Variants in RAB11FIP3 observed in about 807,000 individuals in gnomAD.
RAB11FIP3 encodes RAB11 family interacting protein 3.
Under a neutral mutation model 77.8 loss-of-function variants are expected in RAB11FIP3, and 17 were observed. The observed-to-expected ratio is 0.22, with a 90% CI of 0.15 to 0.33. RAB11FIP3 has a LOEUF of 0.33. RAB11FIP3 is among the 10% of genes least tolerant of loss of function. The pLI is 1.00. For missense variants in RAB11FIP3, 1,005 were observed against 1,011.2 expected (o/e 0.99, Z 0.08); for synonymous variants, 437 against 448.2 (o/e 0.98, Z 0.31).
chr16:494,769 G>T (rs1045049723), intron 5 of RAB11FIP3, among the ~76,000 whole-genome samples: 21 of 152,270 alleles, frequency 1.4e-4, no homozygotes, highest in African/African-American at 3.4e-4. Context: ...GGCTGAGGTG[G>T]GAGGATCACA....
chr16:443,473 G>A (rs2055259268), intron 1 of RAB11FIP3, among the ~76,000 whole-genome samples: 1 of 152,132 alleles, frequency 6.6e-6, no homozygotes, highest in Admixed American at 6.6e-5. Flanking sequence ...CAAAACCAGA[G>A]TCATAATTGA....
At chr16:427,192 C>T (rs1290814117) in intron 1 of RAB11FIP3, among the ~76,000 whole-genome samples, 1 of 152,230 alleles carries the variant, frequency 6.6e-6, no homozygotes, top group Non-Finnish European at 1.5e-5. Flanking sequence ...TGATAGACAC[C>T]TATTTTGAGT....
chr16:493,163 T>C (rs960922803), intron 5 of RAB11FIP3, among the ~76,000 whole-genome samples: 33 of 149,438 alleles, frequency 2.2e-4, no homozygotes, highest in African/African-American at 7.4e-4. Context: ...AGATGGGAGG[T>C]TCACTTGAAC....
At chr16:428,561 C>G (rs578138337) in intron 1 of RAB11FIP3, among the ~76,000 whole-genome samples, 3 of 152,046 alleles carry the variant, frequency 2.0e-5, no homozygotes, top group Non-Finnish European at 4.4e-5. Context: ...CCACAGTTCT[C>G]TGAGATAGTA....
chr16:508,703 G>T (rs1257293060), intron 8 of RAB11FIP3, among the ~76,000 whole-genome samples: 1 of 152,072 alleles, frequency 6.6e-6, no homozygotes, highest in East Asian at 1.9e-4. Context: ...TCTGGAAAAC[G>T]CGTCCTTTCG....
chr16:456,504 C>G (rs961633863), intron 1 of RAB11FIP3, among the ~76,000 whole-genome samples: 1 of 151,416 alleles, frequency 6.6e-6, no homozygotes, highest in African/African-American at 2.4e-5. Flanking sequence ...GCCTGTAATC[C>G]CAGCAATTTG....
chr16:426,498 C>A lies in RAB11FIP3; in HGVS notation c.492C>A (p.Phe164Leu), dbSNP rs1244223477. ...GCGAGGTCGACGTCTTCTCTCCCTT[C>A]CCCGCGCCCACGGCGGGCGAGCTGG... ...ARGEVDVFSP[F>L]PAPTAGELAL... Residue 164 changes from phenylalanine (F) to leucine (L), a missense_variant, in exon 1 of 14, where the codon TTC (phenylalanine) becomes TTA (leucine). Phe to Leu is a conservative substitution (Grantham distance 22). Transcript: ENST00000262305. The surrounding 1 kb of genome is among the most constrained non-coding windows in gnomAD (Gnocchi z 5.0). 14 of 1,580,016 alleles carry A rather than the reference C, an allele frequency of 8.9e-6. No homozygotes were observed. The highest frequency in any genetic ancestry group is 1.2e-5 in the Non-Finnish European group (14 of 1,164,118).
chr16:468,223 G>A (rs1467249217), intron 2 of RAB11FIP3, among the ~76,000 whole-genome samples: 12 of 142,092 alleles, frequency 8.4e-5, no homozygotes, highest in Non-Finnish European at 9.4e-5. Context: ...GAGGTGCTGG[G>A]GCGTCAGGGA....
In RAB11FIP3 at chr16:455,049, C is replaced by CAA. The variant is rs769495387; in HGVS notation, c.715-6345_715-6344dup. Among the ~76,000 whole-genome samples, 50 of 67,470 alleles carry CAA rather than the reference C, an allele frequency of 7.4e-4. 1 individual carries two copies. The highest frequency in any genetic ancestry group is 2.3e-3 in the African/African-American group (46 of 19,896). The allele number at this position is 67,470 out of a possible 152,430, so 44.3% of individuals were successfully genotyped here. On this transcript the variant is annotated intron_variant, in intron 1 of 13. Transcript: ENST00000262305. ...TGGGTGACAGAGCGAAACTCCGTCT[C>CAA]AAAAAAAAAAACAAAAAAACTAGGC...
chr16:516,699 A>G (rs2032432080), intron 9 of RAB11FIP3, among the ~76,000 whole-genome samples: 3 of 152,010 alleles, frequency 2.0e-5, no homozygotes, highest in Admixed American at 2.0e-4. Context: ...CAACATGGTG[A>G]AACCCTGTCT....
At chr16:473,478 G>A (rs1366760340) in intron 3 of RAB11FIP3, among the ~76,000 whole-genome samples, 1 of 152,190 alleles carries the variant, frequency 6.6e-6, no homozygotes, top group East Asian at 1.9e-4. Flanking sequence ...TACTCAGGCT[G>A]GAGTGTGGTG....
chr16:447,350 TCTGTCA>T (rs2055334171), intron 1 of RAB11FIP3, among the ~76,000 whole-genome samples: 1 of 152,010 alleles, frequency 6.6e-6, no homozygotes, highest in Admixed American at 6.6e-5. Flanking sequence ...GGCGTCTCGC[TCTGTCA>T]CTCAGGCTGG....
chr16:464,729 G>A (rs113431929), intron 2 of RAB11FIP3, among the ~76,000 whole-genome samples: 2 of 152,078 alleles, frequency 1.3e-5, no homozygotes, highest in African/African-American at 4.8e-5. Flanking sequence ...GACCTTGGCT[G>A]TGCAAAAAAA....
At chr16:495,307 C>T (rs555620256) in intron 5 of RAB11FIP3, among the ~76,000 whole-genome samples, 2 of 152,304 alleles carry the variant, frequency 1.3e-5, no homozygotes, top group East Asian at 3.9e-4. Flanking sequence ...TCACTGCCAC[C>T]CAGGGCTGAG....
In RAB11FIP3 at chr16:425,776, GGCCGCCCC is replaced by G. The variant is rs527957481; in HGVS notation, c.-224_-217del. ...GCCCGGATCCTCGCCGCCCTCCCTA[GGCCGCCCC>G]GCCGCCATGGGCCTGCGCCCGCCGC... On this transcript the variant is annotated 5_prime_UTR_variant, in exon 1 of 14. Transcript: ENST00000262305. 858 of 337,116 alleles carry G rather than the reference GGCCGCCCC, an allele frequency of 2.5e-3. 3 individuals carry two copies. The highest frequency in any genetic ancestry group is 0.017 in the African/African-American group (768 of 46,218). The allele number at this position is 337,116 out of a possible 1,614,324, so 20.9% of individuals were successfully genotyped here. A position where few individuals can be genotyped will look rare whatever the true frequency, so the allele number is the denominator to read the frequency against.
intron 1 of RAB11FIP3, among the ~76,000 whole-genome samples, chr16:457,227 G>A (rs528629337): frequency 6.6e-6 from 1 of 152,256 alleles, no homozygotes; most frequent in East Asian, 1.9e-4. Flanking sequence ...GTTGACTGTG[G>A]TGGGAGAACT....
Position 495,440 on chromosome 16 carries a change from A to C in RAB11FIP3, c.1266-1384A>C, listed in dbSNP as rs554980214. Reference sequence around the variant, plus strand: ...CAGGACACTTGGCAGAGGCACCCCTAGAGAACAGCTACCCGAATGGGGTCG... The same window carrying C: ...CAGGACACTTGGCAGAGGCACCCCTCGAGAACAGCTACCCGAATGGGGTCG... On this transcript the variant is annotated intron_variant, in intron 5 of 13. Coordinates refer to ENST00000262305, the MANE Select transcript of RAB11FIP3 (RefSeq NM_014700.4). 2.0e-5 allele frequency among the ~76,000 whole-genome samples: 3 copies of C among 152,358 alleles called. No homozygotes were observed. The South Asian group carries it at 6.2e-4, about 32-fold the overall frequency.
chr16:503,748 C>T (rs893407072), intron 7 of RAB11FIP3, among the ~76,000 whole-genome samples: 13 of 152,098 alleles, frequency 8.5e-5, no homozygotes, highest in South Asian at 4.1e-4. Context: ...CGCATGGTGG[C>T]GGGCAACTGT....
chr16:479,350 C>G (rs146127748), intron 3 of RAB11FIP3, among the ~76,000 whole-genome samples: 3 of 151,942 alleles, frequency 2.0e-5, no homozygotes, highest in Non-Finnish European at 4.4e-5. Context: ...CAAGACCGCA[C>G]GACTGCACTC....
Sources: allele counts gnomAD v4.1 joint callset (sites outside exome capture counted in the v4.1 genomes callset), GRCh38; gene constraint gnomAD v4.1.1; non-coding constraint Gnocchi (gnomAD v3.1); transcripts MANE v1.5; gene names NCBI Gene and HGNC (gene_info 2026-07-23, HGNC 2026-07-21).